RHPN2: variants seen among roughly 807,000 people sequenced by gnomAD.
RHPN2 encodes the protein rhophilin-2.
A neutral mutation model predicts 79.0 loss-of-function variants in RHPN2; 40 were observed. That is an observed-to-expected ratio of 0.51 (90% CI 0.39 to 0.66). The LOEUF is 0.66. RHPN2 is among the 30% of genes least tolerant of loss of function. The pLI is 0.00. For missense variants in RHPN2, 686 were observed against 883.5 expected (o/e 0.78, Z 2.83); for synonymous variants, 285 against 363.5 (o/e 0.78, Z 2.46).
intron 7 of RHPN2, among the ~76,000 whole-genome samples, chr19:33,003,781 AG>A (rs1971769613): frequency 6.6e-6 from 1 of 152,230 alleles, no homozygotes; most frequent in South Asian, 2.1e-4. Context: ...TCAAATTCAC[AG>A]AAATAGAAAG....
At chr19:33,032,769 G>C (rs548227878) in intron 2 of RHPN2, among the ~76,000 whole-genome samples, 2 of 152,244 alleles carry the variant, frequency 1.3e-5, no homozygotes, top group East Asian at 3.9e-4. Flanking sequence ...CTCAGTATCA[G>C]GAATGGGTTC....
At chr19:33,026,674 A>G (rs1971970817) in intron 2 of RHPN2, 42 bp from the exon 3 acceptor site, 6 of 1,590,890 alleles carry the variant, frequency 3.8e-6, no homozygotes, top group Non-Finnish European at 5.1e-6. Flanking sequence ...TCAGCCAGGT[A>G]TCCTGGCTTC....
intron 1 of RHPN2, among the ~76,000 whole-genome samples, chr19:33,046,670 T>C (rs1056071250): frequency 1.3e-5 from 2 of 152,202 alleles, no homozygotes; most frequent in African/African-American, 4.8e-5. Context: ...AGAGTTCCAA[T>C]TCATCTACAT....
intron 2 of RHPN2, among the ~76,000 whole-genome samples, chr19:33,037,356 A>G (rs1303643975): frequency 1.3e-5 from 2 of 152,168 alleles, no homozygotes; most frequent in South Asian, 2.1e-4. Flanking sequence ...AAAACAGACC[A>G]CTGGGCTCTA....
intron 1 of RHPN2, among the ~76,000 whole-genome samples, chr19:33,055,800 C>A (rs566649933): frequency 6.6e-6 from 1 of 151,894 alleles, no homozygotes; most frequent in Non-Finnish European, 1.5e-5. Context: ...TCCAGGAAGC[C>A]CAGAGTCAAC....
At chr19:33,037,523 A>G (rs924229710) in intron 2 of RHPN2, among the ~76,000 whole-genome samples, 4 of 152,214 alleles carry the variant, frequency 2.6e-5, no homozygotes, top group Non-Finnish European at 5.9e-5. Context: ...TTGGGTCCAC[A>G]CTGCCTTTAT....
At chr19:32,991,149 C>A (rs1046182360) in intron 13 of RHPN2, among the ~76,000 whole-genome samples, 6 of 152,156 alleles carry the variant, frequency 3.9e-5, no homozygotes, top group East Asian at 3.9e-4. Context: ...TGGCAAAACC[C>A]CATTTCTACT....
intron 6 of RHPN2, among the ~76,000 whole-genome samples, chr19:33,011,099 C>G (rs1971832151): frequency 6.6e-6 from 1 of 152,122 alleles, no homozygotes; most frequent in Non-Finnish European, 1.5e-5. Flanking sequence ...ATCAAATGCT[C>G]TACTTCCTTT....
chr19:32,979,862 C>G lies in RHPN2; in HGVS notation c.*134G>C, dbSNP rs1206462047. 2.6e-6 allele frequency: 3 copies of G among 1,137,884 alleles called. No homozygotes were observed. The highest frequency in any genetic ancestry group is 3.8e-6 in the Non-Finnish European group (3 of 783,490). 70.5% of individuals were successfully genotyped at this position (1,137,884 alleles called of 1,614,324 possible). A position where few individuals can be genotyped will look rare whatever the true frequency, so the allele number is the denominator to read the frequency against. ...GTTACTTTCCTTCATAAAAACACAT[C>G]AAATGTGAGTTTACACTATGAGAAA... is the stretch of plus-strand genomic sequence containing the variant. On this transcript the variant is annotated 3_prime_UTR_variant, in exon 15 of 15. Transcript: ENST00000254260.
chr19:33,005,878 A>G (rs574666218), intron 7 of RHPN2, among the ~76,000 whole-genome samples: 4 of 152,186 alleles, frequency 2.6e-5, no homozygotes, highest in African/African-American at 7.2e-5. Flanking sequence ...CGATAGACCA[A>G]TCTTTTATTT....
intron 2 of RHPN2, among the ~76,000 whole-genome samples, chr19:33,038,866 C>G (rs1181250367): frequency 6.6e-6 from 1 of 152,196 alleles, no homozygotes; most frequent in African/African-American, 2.4e-5. Flanking sequence ...CCATGTTGGC[C>G]AGGCTGGCCT....
Position 32,990,499 on chromosome 19 carries a change from G to A in RHPN2, c.1800+15C>T. On this transcript the variant is annotated intron_variant, in intron 14 of 14. Transcript: ENST00000254260. ...CACGCCACCACTGACTGCCCAGGGA[G>A]GTGTCAGCGCTCACCATGGATGATG... 1 of 1,613,676 alleles carries A rather than the reference G, an allele frequency of 6.2e-7. No homozygotes were observed. Among genetic ancestry groups the A allele is most frequent in the Non-Finnish European group, 8.5e-7 (1 of 1,179,738 alleles).
chr19:33,048,801 TCTTTC>T (rs1203540160), intron 1 of RHPN2, among the ~76,000 whole-genome samples: 1 of 150,798 alleles, frequency 6.6e-6, no homozygotes, highest in Non-Finnish European at 1.5e-5. Flanking sequence ...ACTGTTCATC[TCTTTC>T]CTTTCCACTT....
chr19:33,064,755 T>TGGGCGCC, intron 1 of RHPN2, 29 bp downstream of exon 1: 2 of 1,427,942 alleles, frequency 1.4e-6, no homozygotes, highest in Non-Finnish European at 1.9e-6. Context: ...AGCCCGCAGG[T>TGGGCGCC]CCCCGCCCGC....
Position 33,044,386 on chromosome 19 carries a change from C to A in RHPN2, c.70-22G>T, listed in dbSNP as rs568955191. 28 of 1,531,532 alleles carry A rather than the reference C, an allele frequency of 1.8e-5. No homozygotes were observed. The South Asian group carries it at 3.1e-4, about 17-fold the overall frequency. 94.9% of individuals were successfully genotyped at this position (1,531,532 alleles called of 1,614,324 possible). On this transcript the variant is annotated intron_variant, in intron 1 of 14. Coordinates refer to ENST00000254260, the MANE Select transcript of RHPN2 (RefSeq NM_033103.5). ...AGCCCTGAGGAAAAATAAGAGATGC[C>A]CCTTCAGAGGTCGGCCACTCTAAAA... is the stretch of plus-strand genomic sequence containing the variant.
chr19:33,032,702 G>A (rs2145254451), intron 2 of RHPN2, among the ~76,000 whole-genome samples: 1 of 152,312 alleles, frequency 6.6e-6, no homozygotes, highest in South Asian at 2.1e-4. Context: ...GAAAACGACT[G>A]ATCCTGTAGC....
chr19:33,051,789 G>A (rs1240747044), intron 1 of RHPN2: 1 of 164,700 alleles, frequency 6.1e-6, no homozygotes, highest in East Asian at 1.9e-4. Context: ...GGGAGGCTGA[G>A]GTGGGCGGAT....
intron 14 of RHPN2, among the ~76,000 whole-genome samples, chr19:32,990,167 G>GAAAGAA (rs1491437447): frequency 0.051 from 7,374 of 144,826 alleles, 307 homozygotes; most frequent in African/African-American, 0.095. Flanking sequence ...GAAAGAAAGA[G>GAAAGAA]CGAGCCAGGG....
chr19:33,022,065 C>T (rs1249420224), intron 3 of RHPN2, among the ~76,000 whole-genome samples: 13 of 152,118 alleles, frequency 8.5e-5, no homozygotes, highest in Admixed American at 2.0e-4. Flanking sequence ...CTCAGCCCCC[C>T]GAGTAACTGG....
Sources: gnomAD v4.1 joint callset for allele counts (sites outside exome capture counted in the v4.1 genomes callset) on GRCh38, gnomAD v4.1.1 for gene constraint, MANE v1.5 for transcripts, NCBI Gene and HGNC (gene_info 2026-07-23, HGNC 2026-07-21) for gene names.